VOPP1: variants seen among roughly 807,000 people sequenced by gnomAD.
VOPP1 encodes VOPP1 WW domain binding protein.
Under a neutral mutation model 23.5 loss-of-function variants are expected in VOPP1, and 8 were observed. The observed-to-expected ratio is 0.34, with a 90% CI of 0.20 to 0.61. The LOEUF is 0.61. VOPP1 is among the 20% of genes least tolerant of loss of function. The pLI is 0.78. For synonymous variants in VOPP1, 83 were observed against 97.3 expected (o/e 0.85, Z 0.86); for missense variants, 174 against 238.1 (o/e 0.73, Z 1.77).
At chr7:55,478,520 C>A (rs767735398) in intron 4 of VOPP1, among the ~76,000 whole-genome samples, 4 of 152,070 alleles carry the variant, frequency 2.6e-5, no homozygotes, top group Non-Finnish European at 2.9e-5. Flanking sequence ...AAAGAAACTA[C>A]CTTAAATGGT....
chr7:55,502,956 A>G (rs758942523), intron 2 of VOPP1, among the ~76,000 whole-genome samples: 7 of 152,262 alleles, frequency 4.6e-5, no homozygotes, highest in Non-Finnish European at 1.0e-4. Flanking sequence ...GCTCCACAGC[A>G]TATCTAATTA....
At chr7:55,496,833 C>T (rs1457754661) in intron 3 of VOPP1, among the ~76,000 whole-genome samples, 1 of 152,226 alleles carries the variant, frequency 6.6e-6, no homozygotes, top group Non-Finnish European at 1.5e-5. Context: ...TTGCATCATG[C>T]AGAGAGCAAA....
At chr7:55,492,545 G>A in intron 3 of VOPP1, 127 bp from the exon 4 acceptor site, 2 of 1,163,310 alleles carry the variant, frequency 1.7e-6, no homozygotes, top group Non-Finnish European at 1.2e-6. Flanking sequence ...GCACGAGTCA[G>A]AAGGCAAGGG....
intron 4 of VOPP1, among the ~76,000 whole-genome samples, chr7:55,446,269 A>G (rs994034423): frequency 6.6e-6 from 1 of 152,210 alleles, no homozygotes; most frequent in African/African-American, 2.4e-5. Flanking sequence ...CTGGGATTAC[A>G]GGCGTGAGCC....
chr7:55,450,591 T>C (rs1163096531), intron 4 of VOPP1, among the ~76,000 whole-genome samples: 1 of 152,218 alleles, frequency 6.6e-6, no homozygotes, highest in Non-Finnish European at 1.5e-5. Flanking sequence ...AGGCTGAATA[T>C]CATTAAAATA....
chr7:55,549,328 C>T (rs778775849), intron 1 of VOPP1, among the ~76,000 whole-genome samples: 1 of 152,136 alleles, frequency 6.6e-6, no homozygotes, highest in African/African-American at 2.4e-5. Flanking sequence ...GTGGCCCTCA[C>T]GATCAGGCAT....
At chr7:55,437,587 A>T (rs998033069) in intron 4 of VOPP1, among the ~76,000 whole-genome samples, 2 of 152,140 alleles carry the variant, frequency 1.3e-5, no homozygotes, top group African/African-American at 4.8e-5. Flanking sequence ...CCTGGTTCTT[A>T]ATGGGCCCTT....
At chr7:55,541,980 G>T (rs1797152323) in intron 1 of VOPP1, among the ~76,000 whole-genome samples, 1 of 152,100 alleles carries the variant, frequency 6.6e-6, no homozygotes, top group African/African-American at 2.4e-5. Flanking sequence ...TTCCAAAATT[G>T]GATTGTGATG....
At chr7:55,458,604 T>C (rs1414386612) in intron 4 of VOPP1, among the ~76,000 whole-genome samples, 1 of 152,166 alleles carries the variant, frequency 6.6e-6, no homozygotes, top group Admixed American at 6.5e-5. Flanking sequence ...GTTTCCCTTG[T>C]AGAGACCTTT....
At chr7:55,482,975 A>T (rs1203879432) in intron 4 of VOPP1, among the ~76,000 whole-genome samples, 1 of 152,234 alleles carries the variant, frequency 6.6e-6, no homozygotes, top group Non-Finnish European at 1.5e-5. Context: ...ATTCCAGTGC[A>T]TTACACAGAG....
intron 1 of VOPP1, chr7:55,552,687 C>T: frequency 6.5e-7 from 1 of 1,536,076 alleles, no homozygotes. Context: ...GGGGGGCACT[C>T]AGGTCCTGGA....
intron 2 of VOPP1, among the ~76,000 whole-genome samples, chr7:55,502,383 A>C (rs183436382): frequency 6.6e-6 from 1 of 152,386 alleles, no homozygotes; most frequent in Non-Finnish European, 1.5e-5. Context: ...TCAACTGATT[A>C]TCTCTTTCTT....
intron 1 of VOPP1, among the ~76,000 whole-genome samples, chr7:55,521,425 G>C (rs1309455277): frequency 2.0e-5 from 3 of 152,082 alleles, no homozygotes; most frequent in Non-Finnish European, 4.4e-5. Context: ...AAATGTACTT[G>C]GTATGATACT....
At chr7:55,547,711 T>C (rs1797428369) in intron 1 of VOPP1, among the ~76,000 whole-genome samples, 3 of 152,174 alleles carry the variant, frequency 2.0e-5, no homozygotes, top group South Asian at 4.1e-4. Context: ...AAAATCTAGA[T>C]ATTCAATTTT....
chr7:55,469,798 A>T (rs551667472), downstream of VOPP1, among the ~76,000 whole-genome samples: 12 of 152,354 alleles, frequency 7.9e-5, no homozygotes, highest in South Asian at 2.3e-3. Flanking sequence ...ACTTGTGTGC[A>T]CTGCCCGTCT....
chr7:55,560,021 C>T (rs1407904604), intron 1 of VOPP1, among the ~76,000 whole-genome samples: 5 of 152,188 alleles, frequency 3.3e-5, no homozygotes, highest in Admixed American at 1.3e-4. Flanking sequence ...GGGATGGTGG[C>T]GCACGCCTGT....
intron 1 of VOPP1, among the ~76,000 whole-genome samples, chr7:55,564,979 G>C (rs187602102): frequency 2.0e-3 from 306 of 152,250 alleles, no homozygotes; most frequent in Middle Eastern, 0.014. Context: ...GCAAGCAATT[G>C]ATCGATTTCA....
chr7:55,474,871 C>A (rs527361242), intron 4 of VOPP1, among the ~76,000 whole-genome samples: 1 of 152,298 alleles, frequency 6.6e-6, no homozygotes, highest in Admixed American at 6.5e-5. Flanking sequence ...TGGGAAGATG[C>A]GGCAGGAGGT....
chr7:55,476,927 A>G (rs567756980), intron 4 of VOPP1, among the ~76,000 whole-genome samples: 77 of 152,176 alleles, frequency 5.1e-4, no homozygotes, highest in Admixed American at 7.8e-4. Context: ...CGCCTGCCCT[A>G]TTCTCCATCT....
Sources: gnomAD v4.1 joint callset for allele counts (sites outside exome capture counted in the v4.1 genomes callset) on GRCh38, gnomAD v4.1.1 for gene constraint, MANE v1.5 for transcripts, NCBI Gene and HGNC (gene_info 2026-07-23, HGNC 2026-07-21) for gene names.